Variants in MON2 observed in about 807,000 individuals in gnomAD.
MON2 encodes MON2 regulator of endosome-to-Golgi trafficking.
A neutral mutation model predicts 208.6 loss-of-function variants in MON2; 84 were observed. The ratio of observed to expected loss-of-function variants is 0.40; its 90% confidence interval spans 0.34 to 0.48. The LOEUF is 0.48. Ranked by LOEUF, MON2 falls within the 20% of genes least tolerant of loss-of-function variation. The pLI is 0.59. For synonymous variants in MON2, 660 were observed against 694.0 expected, an observed-to-expected ratio of 0.95 and a Z score of 0.77; for missense variants, 1,611 against 2,015.4, an observed-to-expected ratio of 0.80 and a Z score of 3.84.
chr12:62,540,633 G>A (rs2136252212), intron 19 of MON2, among the ~76,000 whole-genome samples: 1 of 152,252 alleles, frequency 6.6e-6, no homozygotes, highest in East Asian at 1.9e-4. Flanking sequence ...GGAAGGCTTG[G>A]GAAGAACAGT....
intron 34 of MON2, chr12:62,588,896 C>T: frequency 1.4e-6 from 2 of 1,471,570 alleles, no homozygotes; most frequent in South Asian, 1.2e-5. Context: ...ACTTTTAAAC[C>T]TTGTTTTTAA....
chr12:62,512,450 C>T (rs537992764), intron 8 of MON2, among the ~76,000 whole-genome samples: 122 of 152,294 alleles, frequency 8.0e-4, no homozygotes, highest in Non-Finnish European at 1.3e-3. Flanking sequence ...TTCAGCAGGG[C>T]GGTCAAATCT....
intron 2 of MON2, among the ~76,000 whole-genome samples, chr12:62,491,502 CTTTA>C (rs1485003964): frequency 6.6e-6 from 1 of 151,900 alleles, no homozygotes; most frequent in Non-Finnish European, 1.5e-5. Flanking sequence ...GTTCATTTTC[CTTTA>C]TTTGTCTGAA....
intron 12 of MON2, among the ~76,000 whole-genome samples, chr12:62,533,664 C>T (rs1456417836): frequency 6.6e-6 from 1 of 152,154 alleles, no homozygotes; most frequent in Non-Finnish European, 1.5e-5. Flanking sequence ...AGGTGTCAGT[C>T]ATTTCTCCAG....
rs370444629 is a variant in MON2, at chr12:62,479,791, T to C, written c.112-4379T>C. The stretch of plus-strand genomic sequence containing the variant: ...TTTCATCTTCTTTTCTTCTTTTTTT[T>C]TGCATGAGTATCAATTAAGGAAAAA... On this transcript the variant is annotated intron_variant, in intron 1 of 34. Transcript: ENST00000393630. 8.5e-5 allele frequency among the ~76,000 whole-genome samples: 13 copies of C among 152,328 alleles called. No homozygotes were observed. The East Asian group carries it at 2.3e-3, about 27-fold the overall frequency.
At chr12:62,552,663 AG>A (rs1483822879) in intron 23 of MON2, among the ~76,000 whole-genome samples, 2 of 151,880 alleles carry the variant, frequency 1.3e-5, no homozygotes, top group Non-Finnish European at 2.9e-5. Flanking sequence ...AAAAAAAAAA[AG>A]TTAGCTCAAG....
intron 8 of MON2, among the ~76,000 whole-genome samples, chr12:62,510,684 T>C (rs2071348604): frequency 1.3e-5 from 2 of 152,206 alleles, no homozygotes; most frequent in South Asian, 4.1e-4. Flanking sequence ...ATAACTAATA[T>C]CACACTTGAT....
At chr12:62,588,389 TA>T (rs1430737301) in intron 34 of MON2, among the ~76,000 whole-genome samples, 8 of 151,808 alleles carry the variant, frequency 5.3e-5, no homozygotes, top group African/African-American at 1.9e-4. Flanking sequence ...TTTTTTACTA[TA>T]TTGTTCTGAA....
Position 62,467,250 on chromosome 12 carries a change from G to C in MON2, c.43G>C (p.Glu15Gln). The C allele has an allele frequency of 6.2e-7, 1 of 1,613,958 alleles. No homozygotes were observed. The highest frequency in any genetic ancestry group is 8.5e-7 in the Non-Finnish European group (1 of 1,180,036). ...CCCCGAGGCGGTGAAGAAGCTGCTG[G>C]AGAATATGCAGAGCGACTTGCGCGC... ...SSPEAVKKLLENMQSDLRALS... is the reference protein window; with the variant it reads ...SSPEAVKKLLQNMQSDLRALS... Residue 15 changes from glutamate (E) to glutamine (Q), a missense_variant, in exon 1 of 35, where the codon GAG becomes CAG. Transcript: ENST00000393630.
At chr12:62,497,110 G>T (rs1446466642) in intron 4 of MON2, among the ~76,000 whole-genome samples, 2 of 134,936 alleles carry the variant, frequency 1.5e-5, no homozygotes, top group African/African-American at 5.6e-5. Context: ...TGAACAATGA[G>T]AACACATGGA....
intron 21 of MON2, among the ~76,000 whole-genome samples, chr12:62,546,099 CATCTTTGTTAAT>C (rs751189392): frequency 7.9e-5 from 12 of 152,020 alleles, no homozygotes; most frequent in Non-Finnish European, 1.5e-4. Flanking sequence ...GGTTTTATGT[CATCTTTGTTAAT>C]ATCTGCTACA....
At chr12:62,557,962 ATTTTT>A (rs869193690) in intron 25 of MON2, among the ~76,000 whole-genome samples, 51 of 20,818 alleles carry the variant, frequency 2.4e-3, no homozygotes, top group South Asian at 4.2e-3. Context: ...ATATATATAT[ATTTTT>A]TTTTTTTTTT....
intron 20 of MON2, among the ~76,000 whole-genome samples, chr12:62,543,921 T>C (rs994215154): frequency 2.6e-5 from 4 of 152,188 alleles, no homozygotes; most frequent in South Asian, 2.1e-4. Context: ...GATTATGAGA[T>C]AGCTTTCTGT....
chr12:62,511,025 A>G (rs897445128), intron 8 of MON2, among the ~76,000 whole-genome samples: 3 of 152,230 alleles, frequency 2.0e-5, no homozygotes, highest in African/African-American at 7.2e-5. Flanking sequence ...ACCAAAAAGA[A>G]TAAAAATACT....
chr12:62,471,211 G>T (rs937972402), intron 1 of MON2, among the ~76,000 whole-genome samples: 1 of 152,064 alleles, frequency 6.6e-6, no homozygotes, highest in African/African-American at 2.4e-5. Context: ...TGTTTGAGAC[G>T]GAGTCTCTGT....
chr12:62,529,365 A>T (rs1025714567), intron 11 of MON2, among the ~76,000 whole-genome samples: 33 of 152,132 alleles, frequency 2.2e-4, no homozygotes, highest in Non-Finnish European at 4.1e-4. Flanking sequence ...AATACATATT[A>T]AAAAAGTAGA....
At chr12:62,525,871 C>A in intron 10 of MON2, 78 bp from the exon 11 acceptor site, 1 of 1,374,346 alleles carries the variant, frequency 7.3e-7, no homozygotes, top group South Asian at 1.3e-5. Flanking sequence ...TAAAGATTGG[C>A]CAGGTGTTTG....
At chr12:62,584,032 T>C (rs1351429956) in intron 32 of MON2, among the ~76,000 whole-genome samples, 1 of 150,152 alleles carries the variant, frequency 6.7e-6, no homozygotes, top group African/African-American at 2.4e-5. Context: ...CTAAAAGACA[T>C]TGAAGCAGTG....
At chr12:62,589,290 C>T (rs894927194) in intron 34 of MON2, among the ~76,000 whole-genome samples, 3 of 152,114 alleles carry the variant, frequency 2.0e-5, no homozygotes, top group Non-Finnish European at 2.9e-5. Context: ...CATTCTGGCA[C>T]AAGCTTCTTA....
Sources: allele counts gnomAD v4.1 joint callset (sites outside exome capture counted in the v4.1 genomes callset), GRCh38; gene constraint gnomAD v4.1.1; transcripts MANE v1.5; gene names NCBI Gene and HGNC (gene_info 2026-07-23, HGNC 2026-07-21).